NELFA: variants seen among roughly 807,000 people sequenced by gnomAD.
NELFA encodes the protein negative elongation factor complex member A, also known as negative elongation factor A.
NELFA carries 35 observed loss-of-function variants against 51.8 expected under a neutral mutation model. The observed-to-expected ratio is 0.68, with a 90% confidence interval of 0.52 to 0.90. NELFA has a LOEUF of 0.90. Among genes scored for constraint, NELFA ranks in the 40% least tolerant of loss-of-function variants. NELFA has a pLI of 0.00. For missense variants in NELFA, 658 were observed against 746.4 expected (o/e 0.88, Z 1.38); for synonymous variants, 417 against 338.4 (o/e 1.23, Z -2.55).
chr4:1,999,437 C>T (rs942445423), intron 1 of NELFA, among the ~76,000 whole-genome samples: 2 of 151,624 alleles, frequency 1.3e-5, no homozygotes, highest in Non-Finnish European at 1.5e-5. Context: ...CTCAGAATAA[C>T]GGGATGGAGG....
chr4:1,985,669 T>G, intron 7 of NELFA, 107 bp downstream of exon 7: 1 of 807,818 alleles, frequency 1.2e-6, no homozygotes, highest in Non-Finnish European at 2.0e-6. Flanking sequence ...TGCACACATA[T>G]GTACATACAT....
chr4:1,991,486 T>C lies in NELFA; in HGVS notation c.382+58A>G. 6.3e-6 allele frequency: 10 copies of C among 1,577,584 alleles called. No homozygotes were observed. The South Asian group carries it at 6.9e-5, about 11-fold the overall frequency. On this transcript the variant is annotated intron_variant, in intron 2 of 10. Coordinates refer to ENST00000382882, the MANE Select transcript of NELFA (RefSeq NM_005663.5). Reference sequence around the variant, plus strand: ...AAATCAAATTCATTTCAGAAAAAAATTTTTCAAGAAAGATCCATTTCCCTC... The same window carrying C: ...AAATCAAATTCATTTCAGAAAAAAACTTTTCAAGAAAGATCCATTTCCCTC...
intron 1 of NELFA, among the ~76,000 whole-genome samples, chr4:1,996,119 C>T (rs974479499): frequency 3.3e-5 from 5 of 152,156 alleles, no homozygotes; most frequent in African/African-American, 1.2e-4. Context: ...GCAACATTTA[C>T]AAAAACTGAC....
In NELFA at chr4:1,983,227, G is replaced by A. The variant is rs901640027; in HGVS notation, c.*92C>T. The A allele has an allele frequency of 7.3e-7, 1 of 1,368,316 alleles. No homozygotes were observed. Among genetic ancestry groups the A allele is most frequent in the South Asian group, 1.4e-5 (1 of 70,886 alleles). The allele number at this position is 1,368,316 out of a possible 1,614,324, so 84.8% of individuals were successfully genotyped here. A position where few individuals can be genotyped will look rare whatever the true frequency, so the allele number is the denominator to read the frequency against. ...AGGGCGGCGGCCGGGGGACCTCGGG[G>A]GCCAGGTGTCCGCCATCCGGTTACT... On this transcript the variant is annotated 3_prime_UTR_variant, in exon 11 of 11. Coordinates refer to ENST00000382882, the MANE Select transcript of NELFA (RefSeq NM_005663.5).
chr4:1,990,044 G>A lies in NELFA; in HGVS notation c.383-175C>T, dbSNP rs1728226983. On this transcript the variant is annotated intron_variant, in intron 2 of 10. Transcript: ENST00000382882. ...CCCCACGGCTCCAGCAGAACACCCA[G>A]GAGCATTTGCAGAACAGGAATGCCT... The A allele has an allele frequency of 8.8e-6, 6 of 679,494 alleles. No homozygotes were observed. The South Asian group carries it at 9.6e-5, about 11-fold the overall frequency. The allele number at this position is 679,494 out of a possible 1,614,324, so 42.1% of individuals were successfully genotyped here.
intron 1 of NELFA, among the ~76,000 whole-genome samples, chr4:2,007,560 C>A (rs1451995134): frequency 2.0e-5 from 3 of 152,196 alleles, no homozygotes; most frequent in Non-Finnish European, 4.4e-5. Context: ...AACTCCAAAT[C>A]CGGCAACCAA....
rs200510837 is a variant in NELFA, at chr4:1,989,734, G to A, written c.518C>T (p.Thr173Met). The change falls in exon 3 of 11, where the codon ACG becomes ATG. Residue 173 changes from threonine (T) to methionine (M), a missense_variant. Thr to Met is a moderately conservative substitution (Grantham distance 81). Transcript: ENST00000382882. This position sits in a 1 kb window ranked among gnomAD's most constrained non-coding sequence, Gnocchi z 4.8. ...CTTCTGCAGCAGCTCCGCCCGCAGC[G>A]TGGCGCTCTTGGGTTTCCGCTTTAA... ...FQLKRKPKSA[T>M]LRAELLQKST... 1.5e-5 allele frequency: 24 copies of A among 1,614,072 alleles called. No homozygotes were observed. Among genetic ancestry groups the A allele is most frequent in the South Asian group, 3.3e-5 (3 of 91,088 alleles).
chr4:2,003,469 G>C (rs1047330895), intron 1 of NELFA, among the ~76,000 whole-genome samples: 4 of 152,104 alleles, frequency 2.6e-5, no homozygotes, highest in Non-Finnish European at 1.5e-5. Context: ...CAAGGACATG[G>C]AACCAACCCA....
chr4:2,001,180 G>A (rs927484515), intron 1 of NELFA, among the ~76,000 whole-genome samples: 3 of 152,158 alleles, frequency 2.0e-5, no homozygotes, highest in Non-Finnish European at 2.9e-5. Context: ...AACCCACAGC[G>A]AATACCATAT....
chr4:1,984,922 G>A lies in NELFA; in HGVS notation c.925-3C>T, dbSNP rs1728036127. The stretch of plus-strand genomic sequence containing the variant: ...TCATTGTTCAGGGACCCAAGTTTCT[G>A]GAACACAGAGTTTAAGGTTCCTTCC... On this transcript the variant is annotated splice_region_variant and splice_polypyrimidine_tract_variant and intron_variant, in intron 7 of 10. Transcript: ENST00000382882. 2.6e-6 allele frequency: 4 copies of A among 1,562,320 alleles called. No individual in the cohort carries two copies. The highest frequency in any genetic ancestry group is 1.7e-4 in the Middle Eastern group (1 of 5,996).
At position 2,002,104 on chromosome 4, in the gene NELFA, G is replaced by A. The variant is rs188228237; in HGVS notation, c.210+6646C>T. Among the ~76,000 whole-genome samples the A allele has an allele frequency of 7.9e-3, 1,199 of 151,852 alleles. 15 individuals carry two copies. Among genetic ancestry groups the A allele is most frequent in the African/African-American group, 0.028 (1,148 of 41,388 alleles). ...AGTCCCAGCTACTAGGGAGGCTGACGCAGGAGAATGGCGTGAACCCGGGAG... is the reference window on the plus strand; with the variant it reads ...AGTCCCAGCTACTAGGGAGGCTGACACAGGAGAATGGCGTGAACCCGGGAG... On this transcript the variant is annotated intron_variant, in intron 1 of 10. Transcript: ENST00000382882.
At chr4:1,993,688 C>A (rs1252825846) in intron 1 of NELFA, among the ~76,000 whole-genome samples, 1 of 152,022 alleles carries the variant, frequency 6.6e-6, no homozygotes, top group African/African-American at 2.4e-5. Context: ...AGGTGGGAAT[C>A]CAAGATCAAT....
At chr4:1,992,263 C>T (rs981093465) in intron 1 of NELFA, 2 of 237,794 alleles carry the variant, frequency 8.4e-6, no homozygotes, top group African/African-American at 4.8e-5. Flanking sequence ...GGACGGCTGC[C>T]TCTGGGTCTG....
intron 1 of NELFA, among the ~76,000 whole-genome samples, chr4:2,005,564 T>A (rs1728688860): frequency 6.6e-6 from 1 of 151,990 alleles, no homozygotes; most frequent in African/African-American, 2.4e-5. Context: ...TGGTGGTGCA[T>A]GCCTGTAATC....
At position 1,991,670 on chromosome 4, in the gene NELFA, A is replaced by T. The variant is rs1407652549; in HGVS notation, c.256T>A (p.Ser86Thr). 6.2e-7 allele frequency: 1 copy of T among 1,612,600 alleles called. No homozygotes were observed. The highest frequency in any genetic ancestry group is 8.5e-7 in the Non-Finnish European group (1 of 1,179,658). The stretch of plus-strand genomic sequence containing the variant: ...GCGACCATGAGCACCCAGGGGTCCG[A>T]GTCGAGGCTGGCGAGCTGGATGATC... Reference protein sequence around the residue: ...MEIIQLASLDSDPWVLMVADI... With the variant: ...MEIIQLASLDTDPWVLMVADI... The change falls in exon 2 of 11, where the codon TCG (serine) becomes ACG (threonine). Residue 86 changes from serine to threonine, a missense_variant. This residue lies in a region of NELFA where 371 missense variants were observed against 448.3 expected (regional missense o/e 0.83). Transcript: ENST00000382882.
At chr4:1,985,100 C>T (rs1172908381) in intron 7 of NELFA, among the ~76,000 whole-genome samples, 181 bp from the exon 8 acceptor site, 2 of 151,824 alleles carry the variant, frequency 1.3e-5, no homozygotes, top group Non-Finnish European at 1.5e-5. Flanking sequence ...CCCTGGCGCC[C>T]CAGCAGAGTT....
At chr4:1,993,589 AAG>A (rs1491058028) in intron 1 of NELFA, among the ~76,000 whole-genome samples, 33 of 135,906 alleles carry the variant, frequency 2.4e-4, no homozygotes, top group South Asian at 4.7e-4. Context: ...AAAAAAAAAA[AAG>A]AAAGAAAGAA....
At chr4:1,985,235 G>A (rs1431144174) in intron 7 of NELFA, among the ~76,000 whole-genome samples, 2 of 152,216 alleles carry the variant, frequency 1.3e-5, no homozygotes, top group Non-Finnish European at 2.9e-5. Context: ...AGATGCTCAT[G>A]TTAAGAAACA....
chr4:1,989,013 T>C lies in NELFA; in HGVS notation c.544+695A>G, dbSNP rs1488227627. On this transcript the variant is annotated intron_variant, in intron 3 of 10. Coordinates refer to ENST00000382882, the MANE Select transcript of NELFA (RefSeq NM_005663.5). This position sits in a 1 kb window ranked among gnomAD's most constrained non-coding sequence, Gnocchi z 4.8. ...CAGGCTGGAGTGCAGTGGGGCAATC[T>C]TGGCTCACTGCAACCTCCGCCTCCC... 2.0e-5 allele frequency among the ~76,000 whole-genome samples: 3 copies of C among 149,672 alleles called. No individual in the cohort carries two copies. Among genetic ancestry groups the C allele is most frequent in the African/African-American group, 7.4e-5 (3 of 40,628 alleles).
Sources: allele counts gnomAD v4.1 joint callset (sites outside exome capture counted in the v4.1 genomes callset), GRCh38; gene constraint gnomAD v4.1.1; regional missense constraint gnomAD v4.1.1; non-coding constraint Gnocchi (gnomAD v3.1); transcripts MANE v1.5; gene names NCBI Gene and HGNC (gene_info 2026-07-23, HGNC 2026-07-21).